The following VIPR2 variants were observed in gnomAD, a reference collection of about 807,000 sequenced individuals.
VIPR2 encodes vasoactive intestinal polypeptide receptor 2.
VIPR2 carries 48 observed loss-of-function variants against 58.0 expected under a neutral mutation model. The ratio of observed to expected loss-of-function variants is 0.83; its 90% CI spans 0.66 to 1.05. The LOEUF (loss-of-function observed/expected upper bound fraction) is 1.05. VIPR2 is among the 50% of genes least tolerant of loss of function. The pLI, the probability that VIPR2 is intolerant of heterozygous loss-of-function variation, is 0.00. For synonymous variants in VIPR2, 243 were observed against 235.2 expected, an observed-to-expected ratio of 1.03 and a Z score of -0.30; for missense variants, 534 against 558.0, an observed-to-expected ratio of 0.96 and a Z score of 0.43.
chr7:159,101,987 T>C (rs1446505397), intron 4 of VIPR2, among the ~76,000 whole-genome samples: 2 of 148,314 alleles, frequency 1.3e-5, no homozygotes, highest in Admixed American at 1.3e-4. Context: ...GTTCCTGTGG[T>C]AGTGAATGAG....
intron 5 of VIPR2, among the ~76,000 whole-genome samples, chr7:159,049,901 C>G (rs750559632): frequency 2.0e-5 from 3 of 152,072 alleles, no homozygotes; most frequent in Non-Finnish European, 2.9e-5. Flanking sequence ...CCAGGCTGGT[C>G]TACCCTTGTT....
chr7:159,114,530 T>C (rs1796159783), intron 2 of VIPR2, among the ~76,000 whole-genome samples: 1 of 152,124 alleles, frequency 6.6e-6, no homozygotes, highest in African/African-American at 2.4e-5. Context: ...AATGTATCAA[T>C]AGACTCTGAA....
chr7:159,028,819 T>G lies in VIPR2; in HGVS notation c.*1797A>C, dbSNP rs1392858928. 1.3e-5 allele frequency: 2 copies of G among 152,338 alleles called. No individual in the cohort carries two copies. The highest frequency in any genetic ancestry group is 4.8e-5 in the African/African-American group (2 of 41,466). The allele number at this position is 152,338 out of a possible 1,614,324, so 9.4% of individuals were successfully genotyped here. ...CAGTATCCGTCTGTGATGGATCCTC[T>G]GCGGCCCCCAGAAATGGTGGGTTGT... On this transcript the variant is annotated 3_prime_UTR_variant, in exon 13 of 13. Transcript: ENST00000262178.
Position 159,093,427 on chromosome 7 carries a change from GGCGGGTGTGGCTGGA to G in VIPR2, c.357+10315_357+10329del, listed in dbSNP as rs1857614875. 6.6e-6 allele frequency among the ~76,000 whole-genome samples: 1 copy of G among 152,208 alleles called. No individual in the cohort carries two copies. Among genetic ancestry groups the G allele is most frequent in the African/African-American group, 2.4e-5 (1 of 41,454 alleles). On this transcript the variant is annotated intron_variant, in intron 4 of 12. Transcript: ENST00000262178. This position sits in a 1 kb window ranked among gnomAD's most constrained non-coding sequence, Gnocchi z 6.7. ...CTCCACGCTTACTTTCGAGGGTGCT[GGCGGGTGTGGCTGGA>G]GCTCACTCTCACTGCCGGAAGTGAG... is the stretch of plus-strand genomic sequence containing the variant.
At chr7:159,137,914 A>C (rs1797296375) in intron 2 of VIPR2, among the ~76,000 whole-genome samples, 1 of 152,154 alleles carries the variant, frequency 6.6e-6, no homozygotes, top group African/African-American at 2.4e-5. Context: ...TTTAAGATAC[A>C]ACTGACGTCT....
intron 2 of VIPR2, among the ~76,000 whole-genome samples, chr7:159,133,171 A>G (rs1479538860): frequency 2.0e-5 from 3 of 152,312 alleles, no homozygotes; most frequent in Non-Finnish European, 4.4e-5. Context: ...GGCATCTGCA[A>G]CAACTAACTC....
chr7:159,095,197 A>G lies in VIPR2; in HGVS notation c.357+8560T>C, dbSNP rs1157741487. The stretch of plus-strand genomic sequence containing the variant: ...AATCGGAGCCGAGACAGCAAATCAT[A>G]TGACAGCATTAGTGAAAATGGGACA... On this transcript the variant is annotated intron_variant, in intron 4 of 12. Transcript: ENST00000262178. The surrounding 1 kb of genome is among the most constrained non-coding windows in gnomAD (Gnocchi z 5.2). 2.6e-5 allele frequency among the ~76,000 whole-genome samples: 4 copies of G among 152,248 alleles called. No individual in the cohort carries two copies. The highest frequency in any genetic ancestry group is 2.6e-4 in the Admixed American group (4 of 15,286).
At chr7:159,065,696 C>T (rs1314118606) in intron 4 of VIPR2, among the ~76,000 whole-genome samples, 1 of 152,168 alleles carries the variant, frequency 6.6e-6, no homozygotes, top group Admixed American at 6.5e-5. Context: ...CTTGAGATCG[C>T]ACAGGAAACG....
In VIPR2 at chr7:159,082,171, T is replaced by C. The variant is rs535848107; in HGVS notation, c.357+21586A>G. ...CTATAAAGACACATGCACACGTATG[T>C]TTACTGTGGCACTATTCACAATAGC... On this transcript the variant is annotated intron_variant, in intron 4 of 12. Coordinates refer to ENST00000262178, the MANE Select transcript of VIPR2 (RefSeq NM_003382.5). 6.6e-5 allele frequency among the ~76,000 whole-genome samples: 10 copies of C among 152,274 alleles called. No individual in the cohort carries two copies. In the East Asian group the frequency reaches 1.9e-3, roughly 29 times the overall value.
At chr7:159,065,401 G>A (rs1856025076) in intron 4 of VIPR2, among the ~76,000 whole-genome samples, 2 of 152,158 alleles carry the variant, frequency 1.3e-5, no homozygotes, top group South Asian at 2.1e-4. Flanking sequence ...CTGGTGTCTC[G>A]GGTCCCTTCC....
At chr7:159,046,365 CTAA>C (rs1854649231) in intron 5 of VIPR2, among the ~76,000 whole-genome samples, 2 of 152,184 alleles carry the variant, frequency 1.3e-5, no homozygotes, top group Non-Finnish European at 2.9e-5. Context: ...ATCCATACAA[CTAA>C]ATACTATTCA....
rs1965613 is a variant in VIPR2 at position 159,030,309 on chromosome 7, G to C, written c.*307C>G. 122,507 of 263,134 alleles carry C rather than the reference G, an allele frequency of 0.47. 33,644 individuals are homozygous for C. The highest frequency in any genetic ancestry group is 0.57 in the Non-Finnish European group (81,580 of 143,304). 16.3% of individuals were successfully genotyped at this position (263,134 alleles called of 1,614,324 possible). On this transcript the variant is annotated 3_prime_UTR_variant, in exon 13 of 13. Transcript: ENST00000262178. Reference sequence around the variant, plus strand: ...AGGGAGCAGAGATCAGGCCACTGCAGTCCAGCCTGGGCGACAGAGCGAGAC... The same window carrying C: ...AGGGAGCAGAGATCAGGCCACTGCACTCCAGCCTGGGCGACAGAGCGAGAC...
chr7:159,085,100 C>T (rs1193865280), intron 4 of VIPR2, among the ~76,000 whole-genome samples: 1 of 152,188 alleles, frequency 6.6e-6, no homozygotes, highest in East Asian at 1.9e-4. Flanking sequence ...AGGATCTATC[C>T]TGTGGCAAAT....
intron 5 of VIPR2, among the ~76,000 whole-genome samples, chr7:159,052,670 T>G (rs927332869): frequency 6.6e-6 from 1 of 152,226 alleles, no homozygotes; most frequent in Non-Finnish European, 1.5e-5. Flanking sequence ...TGAGTTCAGC[T>G]ATATATTAAA....
chr7:159,065,706 G>A (rs544064619), intron 4 of VIPR2, among the ~76,000 whole-genome samples: 55 of 152,288 alleles, frequency 3.6e-4, no homozygotes, highest in Middle Eastern at 6.8e-3. Flanking sequence ...CACAGGAAAC[G>A]AGAAGACATC....
At chr7:159,121,148 G>A (rs1385117005) in intron 2 of VIPR2, among the ~76,000 whole-genome samples, 2 of 152,232 alleles carry the variant, frequency 1.3e-5, no homozygotes, top group East Asian at 3.9e-4. Context: ...GACTGCTCCT[G>A]ACCTGCTCAG....
At chr7:159,116,278 T>A (rs147371428) in intron 2 of VIPR2, among the ~76,000 whole-genome samples, 4 of 152,332 alleles carry the variant, frequency 2.6e-5, no homozygotes, top group African/African-American at 7.2e-5. Flanking sequence ...AAGCCAAGTT[T>A]CAGGAGATTT....
chr7:159,049,157 G>A (rs1448060928), intron 5 of VIPR2, among the ~76,000 whole-genome samples: 2 of 152,124 alleles, frequency 1.3e-5, no homozygotes, highest in African/African-American at 4.8e-5. Context: ...CTTTCTTGGG[G>A]CTTAACTTTA....
At position 159,098,317 on chromosome 7, in the gene VIPR2, C is replaced by T. The variant is rs143488377; in HGVS notation, c.357+5440G>A. Among the ~76,000 whole-genome samples the T allele has an allele frequency of 2.0e-5, 3 of 152,210 alleles. No individual in the cohort carries two copies. The highest frequency in any genetic ancestry group is 2.9e-5 in the Non-Finnish European group (2 of 68,000). Reference sequence around the variant, plus strand: ...TGCTCGAGAACTGTGGCTTACAGTGCGGGTGGGCAAGCGGAGAGGAGCAGC... The same window carrying T: ...TGCTCGAGAACTGTGGCTTACAGTGTGGGTGGGCAAGCGGAGAGGAGCAGC... On this transcript the variant is annotated intron_variant, in intron 4 of 12. Transcript: ENST00000262178. The surrounding 1 kb of genome is among the most constrained non-coding windows in gnomAD (Gnocchi z 5.2).
Sources: gnomAD v4.1 joint callset for allele counts (sites outside exome capture counted in the v4.1 genomes callset) on GRCh38, gnomAD v4.1.1 for gene constraint, Gnocchi (gnomAD v3.1) non-coding constraint, MANE v1.5 for transcripts, NCBI Gene and HGNC (gene_info 2026-07-23, HGNC 2026-07-21) for gene names.